Variants in DCC observed in about 807,000 individuals in gnomAD.
DCC encodes DCC netrin 1 receptor, also known as netrin receptor DCC.
In DCC, 58 loss-of-function variants were observed where a neutral mutation model predicts 172.5. The ratio of observed to expected loss-of-function variants is 0.34; its 90% CI spans 0.27 to 0.42. DCC has a LOEUF of 0.42. Among genes scored for constraint, DCC ranks in the 10% least tolerant of loss-of-function variants. The pLI, the probability that DCC is intolerant of heterozygous loss-of-function variation, is 1.00. For synonymous variants in DCC, 709 were observed against 644.5 expected, an observed-to-expected ratio of 1.10 and a Z score of -1.52; for missense variants, 1,740 against 1,791.0, an observed-to-expected ratio of 0.97 and a Z score of 0.51.
intron 13 of DCC, among the ~76,000 whole-genome samples, chr18:53,313,025 G>T (rs2057297834): frequency 7.0e-6 from 1 of 142,824 alleles, no homozygotes; most frequent in African/African-American, 2.6e-5. Flanking sequence ...AGAAAGGAAG[G>T]GAAGAAGGAG....
chr18:53,509,820 T>G (rs963802138), intron 27 of DCC, among the ~76,000 whole-genome samples: 1 of 152,234 alleles, frequency 6.6e-6, no homozygotes, highest in Non-Finnish European at 1.5e-5. Context: ...TTGTTTTGTT[T>G]TTCAAGATCA....
At chr18:52,664,470 CTTTTTCTT>C (rs2035424624) in intron 1 of DCC, among the ~76,000 whole-genome samples, 1 of 99,800 alleles carries the variant, frequency 1.0e-5, no homozygotes, top group Admixed American at 1.1e-4. Context: ...TTTTCTTTTT[CTTTTTCTT>C]TTTTTTTTTT....
chr18:52,644,837 GA>G (rs2034987387), intron 1 of DCC, among the ~76,000 whole-genome samples: 1 of 136,130 alleles, frequency 7.3e-6, no homozygotes, highest in Admixed American at 7.3e-5. Flanking sequence ...GGGAGGGAGG[GA>G]AGGAGGGAGG....
chr18:53,086,971 T>C (rs986391094), intron 7 of DCC, among the ~76,000 whole-genome samples: 1 of 151,878 alleles, frequency 6.6e-6, no homozygotes, highest in African/African-American at 2.4e-5. Context: ...ATGGTGTATA[T>C]GTGCCACATT....
rs71175533 is a variant in DCC, at chr18:52,879,412, C to CTTTTTTTTTTTTTTTTTTTTTTTTTTTTT, written c.413-26631_413-26603dup. Among the ~76,000 whole-genome samples the CTTTTTTTTTTTTTTTTTTTTTTTTTTTTT allele has an allele frequency of 1.1e-3, 67 of 62,320 alleles. 18 individuals carry two copies. The highest frequency in any genetic ancestry group is 2.4e-3 in the East Asian group (4 of 1,700). 40.9% of individuals were successfully genotyped at this position (62,320 alleles called of 152,430 possible). On this transcript the variant is annotated intron_variant, in intron 2 of 28. Transcript: ENST00000442544. ...AATTTCTAGCCCATATGTTGTTTGGCTTTTTTTTTTTTTTTTTTTTTTTTT... is the reference window on the plus strand; with the variant it reads ...AATTTCTAGCCCATATGTTGTTTGGCTTTTTTTTTTTTTTTTTTTTTTTTTTTTTTTTTTTTTTTTTTTTTTTTTTTTTT...
chr18:53,082,833 T>C (rs1027142458), intron 7 of DCC, among the ~76,000 whole-genome samples: 2 of 152,134 alleles, frequency 1.3e-5, no homozygotes, highest in Non-Finnish European at 2.9e-5. Context: ...TTATCTTCTA[T>C]GTTCTACCTC....
chr18:52,763,016 C>T (rs1192837139), intron 2 of DCC, among the ~76,000 whole-genome samples: 1 of 152,186 alleles, frequency 6.6e-6, no homozygotes, highest in African/African-American at 2.4e-5. Flanking sequence ...ATTTAGATGG[C>T]TCTTCCTAGA....
chr18:53,167,854 A>C (rs1293573329), intron 8 of DCC, among the ~76,000 whole-genome samples: 1 of 152,176 alleles, frequency 6.6e-6, no homozygotes, highest in Non-Finnish European at 1.5e-5. Flanking sequence ...GAGGGTACGA[A>C]GTTTCAGCTA....
chr18:53,198,895 A>G (rs982559876), intron 9 of DCC, among the ~76,000 whole-genome samples: 2 of 152,174 alleles, frequency 1.3e-5, no homozygotes, highest in African/African-American at 4.8e-5. Context: ...GCAGTTTGCC[A>G]CAAAATTATT....
chr18:53,375,607 T>C (rs1446603396), intron 15 of DCC, among the ~76,000 whole-genome samples: 2 of 129,764 alleles, frequency 1.5e-5, no homozygotes, highest in African/African-American at 5.6e-5. Flanking sequence ...TACCACCTTA[T>C]ATTTAATTCT....
intron 5 of DCC, among the ~76,000 whole-genome samples, chr18:53,036,874 C>T (rs2042100991): frequency 6.6e-6 from 1 of 151,914 alleles, no homozygotes; most frequent in Non-Finnish European, 1.5e-5. Context: ...CATTGCTTTC[C>T]ATCCTGGGTA....
intron 5 of DCC, among the ~76,000 whole-genome samples, chr18:53,016,820 T>G (rs116736404): frequency 0.014 from 2,102 of 152,236 alleles, 48 homozygotes; most frequent in African/African-American, 0.048. Context: ...TGCCCTTTAA[T>G]GTTTACAGCT....
intron 1 of DCC, among the ~76,000 whole-genome samples, chr18:52,378,170 T>A (rs1985433286): frequency 1.3e-5 from 2 of 152,138 alleles, no homozygotes; most frequent in Admixed American, 1.3e-4. Flanking sequence ...AGGATAGATC[T>A]AAGCTACTCA....
At chr18:53,525,702 T>C (rs1215575947) in intron 27 of DCC, among the ~76,000 whole-genome samples, 1 of 152,084 alleles carries the variant, frequency 6.6e-6, no homozygotes, top group East Asian at 1.9e-4. Context: ...AGGACCCCAT[T>C]AGAACCATTA....
At chr18:52,439,149 C>T (rs536168310) in intron 1 of DCC, among the ~76,000 whole-genome samples, 4 of 147,654 alleles carry the variant, frequency 2.7e-5, no homozygotes, top group African/African-American at 1.0e-4. Flanking sequence ...AAACATACCA[C>T]TGTTAATATT....
At chr18:53,363,552 C>T (rs1209464384) in intron 15 of DCC, among the ~76,000 whole-genome samples, 1 of 152,118 alleles carries the variant, frequency 6.6e-6, no homozygotes, top group Non-Finnish European at 1.5e-5. Context: ...TCTCCATTCT[C>T]TCCCGTGGCC....
At chr18:52,871,209 C>G (rs1010018380) in intron 2 of DCC, among the ~76,000 whole-genome samples, 1 of 152,170 alleles carries the variant, frequency 6.6e-6, no homozygotes, top group African/African-American at 2.4e-5. Flanking sequence ...ACCTCAAAAT[C>G]ATGCTTCAGG....
chr18:52,665,739 C>A (rs1477306975), intron 1 of DCC, among the ~76,000 whole-genome samples: 6 of 152,130 alleles, frequency 3.9e-5, no homozygotes, highest in African/African-American at 7.2e-5. Context: ...GAAGTCAATG[C>A]CTAATTTCTC....
chr18:52,542,186 C>A (rs2032480722), intron 1 of DCC, among the ~76,000 whole-genome samples: 1 of 151,198 alleles, frequency 6.6e-6, no homozygotes. Flanking sequence ...GAATGATCCA[C>A]CTCTCATCTT....
Sources: allele counts gnomAD v4.1 joint callset (sites outside exome capture counted in the v4.1 genomes callset), GRCh38; gene constraint gnomAD v4.1.1; transcripts MANE v1.5; gene names NCBI Gene and HGNC (gene_info 2026-07-23, HGNC 2026-07-21).